The following SSH2 variants were observed in gnomAD, a reference collection of about 807,000 sequenced individuals.
SSH2 encodes protein phosphatase Slingshot homolog 2.
SSH2 carries 37 observed loss-of-function variants against 135.2 expected under a neutral mutation model. The observed-to-expected ratio is 0.27, with a 90% CI of 0.21 to 0.36. The LOEUF (loss-of-function observed/expected upper bound fraction) is 0.36, where lower values mean the gene tolerates loss of function less well. Ranked by LOEUF, SSH2 falls within the 10% of genes least tolerant of loss-of-function variation. The probability of loss-of-function intolerance (pLI) is 1.00; values close to 1 mark genes in which losing one functional copy is unlikely to be tolerated. For missense variants in SSH2, 1,408 were observed against 1,765.3 expected, an observed-to-expected ratio of 0.80 and a Z score of 3.63; for synonymous variants, 628 against 646.2, an observed-to-expected ratio of 0.97 and a Z score of 0.43.
intron 1 of SSH2, among the ~76,000 whole-genome samples, chr17:29,906,684 C>A (rs892238309): frequency 5.3e-5 from 8 of 151,984 alleles, no homozygotes; most frequent in Admixed American, 5.2e-4. Flanking sequence ...ACAAACAACC[C>A]CATTTAAAAA....
chr17:29,636,089 C>T lies in SSH2; in HGVS notation c.2141G>A (p.Cys714Tyr). 1 of 1,614,208 alleles carries T rather than the reference C, an allele frequency of 6.2e-7. No homozygotes were observed. Among genetic ancestry groups the T allele is most frequent in the Non-Finnish European group, 8.5e-7 (1 of 1,180,044 alleles). The change falls in exon 15 of 16, where the codon TGT (cysteine) becomes TAT (tyrosine). Residue 714 changes from cysteine to tyrosine, a missense_variant. Cys to Tyr is a radical substitution (Grantham distance 194). This residue lies in a region of SSH2 where 1,080 missense variants were observed against 1,144.5 expected (regional missense o/e 0.94). Coordinates refer to ENST00000540801, the MANE Select transcript of SSH2 (RefSeq NM_001282129.2). ...GGCTACTTCTACCACTGACAGTCGA[C>T]AGCTCTCATTCCTTCCTCCACCCAG... is the stretch of plus-strand genomic sequence containing the variant. ...EELGGGRNESCRLSVVEVAPS... is the reference protein window; with the variant it reads ...EELGGGRNESYRLSVVEVAPS...
chr17:29,634,901 CATT>C (rs929775675), intron 15 of SSH2, among the ~76,000 whole-genome samples: 1 of 151,302 alleles, frequency 6.6e-6, no homozygotes, highest in Non-Finnish European at 1.5e-5. Flanking sequence ...AAGTCAGGTA[CATT>C]ATTATTATGA....
intron 1 of SSH2, among the ~76,000 whole-genome samples, chr17:29,875,329 C>T (rs2066008687): frequency 6.6e-6 from 1 of 152,194 alleles, no homozygotes; most frequent in African/African-American, 2.4e-5. Context: ...GACCCTTTGC[C>T]TCAAGCCTCC....
intron 3 of SSH2, among the ~76,000 whole-genome samples, chr17:29,719,734 A>G (rs2039757272): frequency 6.6e-6 from 1 of 152,146 alleles, no homozygotes; most frequent in African/African-American, 2.4e-5. Context: ...ATTACAGAGC[A>G]GGAGTCAAAA....
chr17:29,655,860 T>C (rs138765289), intron 11 of SSH2, among the ~76,000 whole-genome samples: 59 of 152,334 alleles, frequency 3.9e-4, no homozygotes, highest in African/African-American at 1.4e-3. Context: ...CCCATGATCA[T>C]ACAGCAGGAG....
intron 3 of SSH2, among the ~76,000 whole-genome samples, chr17:29,788,169 G>T (rs376570108): frequency 6.6e-6 from 1 of 152,156 alleles, no homozygotes; most frequent in Admixed American, 6.5e-5. Flanking sequence ...TGGGTCACAG[G>T]ATGTCCAGTA....
At chr17:29,694,467 G>A (rs1449529555) in intron 5 of SSH2, among the ~76,000 whole-genome samples, 1 of 152,124 alleles carries the variant, frequency 6.6e-6, no homozygotes, top group Non-Finnish European at 1.5e-5. Context: ...TCAGGAGTTC[G>A]AGACCAGCCT....
intron 3 of SSH2, chr17:29,716,571 C>T (rs1327802088): frequency 9.8e-6 from 7 of 715,680 alleles, no homozygotes; most frequent in Non-Finnish European, 1.8e-5. Flanking sequence ...TTGATGTCTA[C>T]ATTATCACCT....
chr17:29,857,617 G>C (rs1419161332), intron 1 of SSH2, among the ~76,000 whole-genome samples: 1 of 152,096 alleles, frequency 6.6e-6, no homozygotes, highest in Non-Finnish European at 1.5e-5. Context: ...AGCCTCCCTA[G>C]TTGCTGGGAC....
chr17:29,652,952 G>A (rs895063991), intron 12 of SSH2, among the ~76,000 whole-genome samples: 2 of 152,048 alleles, frequency 1.3e-5, no homozygotes, highest in South Asian at 2.1e-4. Context: ...CACCTTGCCC[G>A]GCCTCCTTAT....
intron 6 of SSH2, 42 bp downstream of exon 6, chr17:29,684,517 GTTAC>G (rs1252057334): frequency 6.7e-7 from 1 of 1,484,986 alleles, no homozygotes; most frequent in South Asian, 1.2e-5. Flanking sequence ...ACTGGAACAG[GTTAC>G]TTAAAAAGCA....
At chr17:29,841,587 T>C (rs1599074567) in intron 2 of SSH2, among the ~76,000 whole-genome samples, 1 of 152,232 alleles carries the variant, frequency 6.6e-6, no homozygotes. Flanking sequence ...TACAGCCAAC[T>C]CTTAAAAAAT....
rs1364184283 is a variant in SSH2 at position 29,629,442 on chromosome 17, T to C, written c.*1399A>G. ...TTTAGGGGTGTCTCTGAGGAAAAAG[T>C]TACTAATGCATAATTTGGCAGGAGC... On this transcript the variant is annotated 3_prime_UTR_variant, in exon 16 of 16. Coordinates refer to ENST00000540801, the MANE Select transcript of SSH2 (RefSeq NM_001282129.2). 1 of 152,652 alleles carries C rather than the reference T, an allele frequency of 6.6e-6. No individual in the cohort carries two copies. The highest frequency in any genetic ancestry group is 2.4e-5 in the African/African-American group (1 of 41,460). 9.5% of individuals were successfully genotyped at this position (152,652 alleles called of 1,614,324 possible).
Position 29,636,649 on chromosome 17 carries a change from G to A in SSH2, c.1581C>T (p.His527=). The stretch of plus-strand genomic sequence containing the variant: ...CCACAAAGACAGGAGGTATGGGTGG[G>A]TGACTCTCCATGGTCTTCACCTCAG... ...QIAEVKTMES[H]PPIPPVFVEH... is the part of the protein sequence containing the mutation. Residue 527 remains histidine (H), a synonymous_variant, in exon 15 of 16, where the codon CAC becomes CAT. Transcript: ENST00000540801. The A allele has an allele frequency of 5.0e-6, 8 of 1,614,136 alleles. No individual in the cohort carries two copies. The highest frequency in any genetic ancestry group is 1.1e-5 in the South Asian group (1 of 91,072).
chr17:29,882,707 G>T (rs1003084521), intron 1 of SSH2, among the ~76,000 whole-genome samples: 1 of 152,044 alleles, frequency 6.6e-6, no homozygotes, highest in African/African-American at 2.4e-5. Context: ...AGCTGAGATC[G>T]CACCACTGCA....
intron 4 of SSH2, among the ~76,000 whole-genome samples, chr17:29,697,057 T>C (rs943269647): frequency 6.6e-6 from 1 of 152,200 alleles, no homozygotes; most frequent in African/African-American, 2.4e-5. Context: ...TTCTTTAAAA[T>C]GGCCAACCAT....
chr17:29,913,361 TA>T (rs2066819112), intron 1 of SSH2, among the ~76,000 whole-genome samples: 1 of 61,896 alleles, frequency 1.6e-5, no homozygotes, highest in Non-Finnish European at 3.3e-5. Context: ...TATATATATA[TA>T]TATATATATA....
chr17:29,871,594 T>A (rs982634202), intron 1 of SSH2, among the ~76,000 whole-genome samples: 2 of 152,178 alleles, frequency 1.3e-5, no homozygotes, highest in African/African-American at 2.4e-5. Context: ...TTTGATTTTT[T>A]AAAATAAATA....
intron 1 of SSH2, among the ~76,000 whole-genome samples, chr17:29,907,888 A>G (rs540037856): frequency 6.9e-6 from 1 of 144,862 alleles, no homozygotes; most frequent in East Asian, 2.1e-4. Context: ...TGGTGTGATC[A>G]TGGCTCACTG....
Sources: gnomAD v4.1 joint callset for allele counts (sites outside exome capture counted in the v4.1 genomes callset) on GRCh38, gnomAD v4.1.1 for gene constraint, gnomAD v4.1.1 regional missense constraint, MANE v1.5 for transcripts, NCBI Gene and HGNC (gene_info 2026-07-23, HGNC 2026-07-21) for gene names.